Variants in ECHDC1 observed in about 807,000 individuals in gnomAD.
ECHDC1 encodes ethylmalonyl-CoA decarboxylase 1, also known as ethylmalonyl-CoA decarboxylase.
A neutral mutation model predicts 29.7 loss-of-function variants in ECHDC1; 29 were observed. The ratio of observed to expected loss-of-function variants is 0.98; its 90% CI spans 0.73 to 1.33. ECHDC1 has a LOEUF of 1.33. Ranked by LOEUF, ECHDC1 falls within the 40% of genes most tolerant of loss-of-function variation. ECHDC1 has a pLI of 0.00. For missense variants in ECHDC1, 328 were observed against 350.0 expected, an observed-to-expected ratio of 0.94 and a Z score of 0.50; for synonymous variants, 126 against 123.1, an observed-to-expected ratio of 1.02 and a Z score of -0.15.
rs578193324 is a variant in ECHDC1, at chr6:127,327,125, A to G, written c.240T>C (p.Leu80=). The change falls in exon 3 of 6, where the codon CTT becomes CTC. Residue 80 remains leucine (L), a synonymous_variant. Coordinates refer to ENST00000454859, the MANE Select transcript of ECHDC1 (RefSeq NM_001002030.2). ...TTTCCAATTCAATTACTTTTTCCAGAAGTTGTAGCATCATAACACCTGCCA... is the reference window on the plus strand; with the variant it reads ...TTTCCAATTCAATTACTTTTTCCAGGAGTTGTAGCATCATAACACCTGCCA... ...NAFSGVMMLQ[L]LEKVIELENW... 10 of 1,613,920 alleles carry G rather than the reference A, an allele frequency of 6.2e-6. No individual in the cohort carries two copies. The African/African-American group carries it at 1.1e-4, about 17-fold the overall frequency.
chr6:127,301,848 A>G (rs1311616787), intron 5 of ECHDC1, among the ~76,000 whole-genome samples: 3 of 152,244 alleles, frequency 2.0e-5, no homozygotes, highest in African/African-American at 4.8e-5. Flanking sequence ...TAACAAAAAC[A>G]TATTACTAGA....
At chr6:127,308,066 AAAG>A (rs887366543) in intron 5 of ECHDC1, among the ~76,000 whole-genome samples, 2 of 152,210 alleles carry the variant, frequency 1.3e-5, no homozygotes, top group Admixed American at 1.3e-4. Flanking sequence ...CCAAACATTT[AAAG>A]AAGAACTAAT....
chr6:127,315,146 A>G (rs908055976), intron 4 of ECHDC1: 19 of 625,706 alleles, frequency 3.0e-5, no homozygotes, highest in Non-Finnish European at 4.4e-5. Flanking sequence ...TCCCTGAATC[A>G]TTATATATTT....
intron 1 of ECHDC1, chr6:127,331,757 A>T: frequency 1.1e-6 from 1 of 882,418 alleles, no homozygotes; most frequent in South Asian, 5.2e-5. Context: ...CCTTGGAAAC[A>T]GCCTCTATGC....
chr6:127,322,646 G>GTGTATATATATATATATA (rs148342778), intron 3 of ECHDC1, among the ~76,000 whole-genome samples: 9 of 149,234 alleles, frequency 6.0e-5, no homozygotes, highest in African/African-American at 2.0e-4. Flanking sequence ...ATATATGTGT[G>GTGTATATATATATATATA]TATATATATA....
At chr6:127,340,885 T>G (rs1046732372) in intron 1 of ECHDC1, among the ~76,000 whole-genome samples, 5 of 152,184 alleles carry the variant, frequency 3.3e-5, no homozygotes, top group African/African-American at 1.2e-4. Context: ...TATCTTCTGC[T>G]CTCATTGTAA....
chr6:127,338,094 T>G (rs1343565684), intron 1 of ECHDC1, among the ~76,000 whole-genome samples: 1 of 152,184 alleles, frequency 6.6e-6, no homozygotes, highest in African/African-American at 2.4e-5. Flanking sequence ...ACCATTAAAT[T>G]TACATTTATA....
chr6:127,337,451 T>C (rs1784527770), intron 1 of ECHDC1, among the ~76,000 whole-genome samples: 1 of 152,196 alleles, frequency 6.6e-6, no homozygotes, highest in African/African-American at 2.4e-5. Context: ...CAACCAAATG[T>C]CAACCAGAAA....
At chr6:127,327,396 A>G (rs1783449021) in intron 2 of ECHDC1, among the ~76,000 whole-genome samples, 1 of 152,208 alleles carries the variant, frequency 6.6e-6, no homozygotes, top group Non-Finnish European at 1.5e-5. Flanking sequence ...TCACATAAAT[A>G]TATGATTATG....
At position 127,290,350 on chromosome 6, in the gene ECHDC1, T is replaced by C. The variant is rs1322715323; in HGVS notation, c.498-73A>G. The C allele has an allele frequency of 1.3e-5, 19 of 1,434,894 alleles. No homozygotes were observed. The East Asian group carries it at 4.4e-4, about 34-fold the overall frequency. 88.9% of individuals were successfully genotyped at this position (1,434,894 alleles called of 1,614,324 possible). On this transcript the variant is annotated intron_variant, in intron 5 of 5. Coordinates refer to ENST00000454859, the MANE Select transcript of ECHDC1 (RefSeq NM_001002030.2). ...CTAATCATAAAGTACTATCCATTCA[T>C]GATCTGATGTGAATTCTCCATAGAT...
chr6:127,328,817 G>A (rs1783617009), intron 2 of ECHDC1, among the ~76,000 whole-genome samples: 1 of 152,104 alleles, frequency 6.6e-6, no homozygotes, highest in South Asian at 2.1e-4. Context: ...ACGAGGTCAG[G>A]AGATCGAGAC....
Position 127,333,666 on chromosome 6 carries a change from T to TACACACACACACACAC in ECHDC1, c.-2-2652_-2-2637dup, listed in dbSNP as rs10523734. On this transcript the variant is annotated intron_variant, in intron 1 of 5. Coordinates refer to ENST00000454859, the MANE Select transcript of ECHDC1 (RefSeq NM_001002030.2). ...CATATCAATCATACTCTCTTTCTCT[T>TACACACACACACACAC]ACACACACACACACACACACACACA... Among the ~76,000 whole-genome samples the TACACACACACACACAC allele has an allele frequency of 1.6e-4, 20 of 128,038 alleles. 1 individual carries two copies. Among genetic ancestry groups the TACACACACACACACAC allele is most frequent in the Non-Finnish European group, 3.0e-4 (17 of 57,002 alleles). The allele number at this position is 128,038 out of a possible 152,430, so 84.0% of individuals were successfully genotyped here. A position where few individuals can be genotyped will look rare whatever the true frequency, so the allele number is the denominator to read the frequency against.
Position 127,327,088 on chromosome 6 carries a change from C to T in ECHDC1, c.277G>A (p.Gly93Arg), listed in dbSNP as rs1413960146. 3.1e-6 allele frequency: 5 copies of T among 1,613,854 alleles called. No individual in the cohort carries two copies. Among genetic ancestry groups the T allele is most frequent in the Admixed American group, 1.7e-5 (1 of 59,988 alleles). The change falls in exon 3 of 6, where the codon GGG becomes AGG. Residue 93 changes from glycine to arginine, a missense_variant. Coordinates refer to ENST00000454859, the MANE Select transcript of ECHDC1 (RefSeq NM_001002030.2). ...KVIELENWTE[G>R]KGLIVRGAKN... ...GCCCCACGGACAATGAGGCCTTTCC[C>T]CTCTGTCCAATTTTCCAATTCAATT...
intron 1 of ECHDC1, among the ~76,000 whole-genome samples, chr6:127,340,948 T>C (rs1198695727): frequency 6.6e-6 from 1 of 152,190 alleles, no homozygotes; most frequent in African/African-American, 2.4e-5. Flanking sequence ...ACATCAACAC[T>C]ACAGCAATTA....
intron 2 of ECHDC1, among the ~76,000 whole-genome samples, chr6:127,329,499 G>A (rs1485887634): frequency 6.6e-6 from 1 of 151,910 alleles, no homozygotes; most frequent in Non-Finnish European, 1.5e-5. Flanking sequence ...ATATTAAATT[G>A]GTTTTTATTC....
chr6:127,310,817 T>C (rs1236810101), intron 5 of ECHDC1, among the ~76,000 whole-genome samples: 4 of 152,146 alleles, frequency 2.6e-5, no homozygotes, highest in Non-Finnish European at 4.4e-5. Context: ...TAACAAACTT[T>C]TGTTGTCTTA....
chr6:127,314,445 G>C (rs1319608214), intron 5 of ECHDC1, among the ~76,000 whole-genome samples: 1 of 152,082 alleles, frequency 6.6e-6, no homozygotes, highest in African/African-American at 2.4e-5. Flanking sequence ...AGCTACAGCA[G>C]TCTCTCTTTC....
chr6:127,293,608 G>A (rs555918901), intron 5 of ECHDC1, among the ~76,000 whole-genome samples: 114 of 152,196 alleles, frequency 7.5e-4, no homozygotes, highest in Non-Finnish European at 1.4e-3. Context: ...TTCTTTTATA[G>A]ATAGAGTGTG....
chr6:127,342,242 G>A (rs1785014942), intron 1 of ECHDC1: 1 of 1,111,638 alleles, frequency 9.0e-7, no homozygotes, highest in Non-Finnish European at 1.2e-6. Flanking sequence ...AGTCTTAGCT[G>A]CAAGAGGGCA....
Sources: gnomAD v4.1 joint callset for allele counts (sites outside exome capture counted in the v4.1 genomes callset) on GRCh38, gnomAD v4.1.1 for gene constraint, MANE v1.5 for transcripts, NCBI Gene and HGNC (gene_info 2026-07-23, HGNC 2026-07-21) for gene names.